The following STPG2 variants were observed in gnomAD, a reference collection of about 807,000 sequenced individuals.
The protein encoded by STPG2 is sperm-tail PG-rich repeat-containing protein 2.
Under a neutral mutation model 54.2 loss-of-function variants are expected in STPG2, and 56 were observed. The ratio of observed to expected loss-of-function variants is 1.03; its 90% CI spans 0.83 to 1.29. STPG2 has a LOEUF of 1.29. Among genes scored for constraint, STPG2 ranks in the 50% most tolerant of loss-of-function variants. STPG2 has a pLI of 0.00. For synonymous variants in STPG2, 200 were observed against 181.8 expected, an observed-to-expected ratio of 1.10 and a Z score of -0.81; for missense variants, 596 against 544.9, an observed-to-expected ratio of 1.09 and a Z score of -0.93.
chr4:97,969,494 A>AC (rs1271698958), intron 7 of STPG2, among the ~76,000 whole-genome samples: 2 of 151,630 alleles, frequency 1.3e-5, no homozygotes, highest in Non-Finnish European at 2.9e-5. Context: ...AAAGGCAGTG[A>AC]CCCCCCTGGA....
chr4:98,085,192 A>C (rs1056144133), intron 5 of STPG2, among the ~76,000 whole-genome samples: 2 of 152,032 alleles, frequency 1.3e-5, no homozygotes, highest in African/African-American at 4.8e-5. Flanking sequence ...ATTTGTGCAA[A>C]GACTTTCCAT....
intron 5 of STPG2, among the ~76,000 whole-genome samples, chr4:98,013,186 T>A (rs756090218): frequency 4.6e-5 from 7 of 152,230 alleles, no homozygotes; most frequent in Non-Finnish European, 7.3e-5. Context: ...ATTGAATGTC[T>A]TTTCTGCATC....
intron 10 of STPG2, among the ~76,000 whole-genome samples, chr4:97,563,858 A>C (rs528316905): frequency 6.6e-6 from 1 of 152,118 alleles, no homozygotes; most frequent in Non-Finnish European, 1.5e-5. Flanking sequence ...TTTACTTCTA[A>C]TGATGTGGTC....
chr4:98,018,516 C>T (rs1425191904), intron 5 of STPG2, among the ~76,000 whole-genome samples: 1 of 152,158 alleles, frequency 6.6e-6, no homozygotes, highest in Non-Finnish European at 1.5e-5. Context: ...GATTTATAAT[C>T]CTTTGGGTAC....
rs560158592 is a variant in STPG2, at chr4:98,090,351, T to A, written c.612+15602A>T. Among the ~76,000 whole-genome samples the A allele has an allele frequency of 1.6e-4, 24 of 152,122 alleles. No homozygotes were observed. The South Asian group carries it at 4.8e-3, about 30-fold the overall frequency. On this transcript the variant is annotated intron_variant, in intron 5 of 10. Transcript: ENST00000295268. ...TTTTGTATGCTTTGTCAAAGATTAG[T>A]TAGTTGGCTGTAAGTATGTGGCTTT...
chr4:97,861,483 C>A (rs1251362556), intron 8 of STPG2, among the ~76,000 whole-genome samples: 1 of 152,072 alleles, frequency 6.6e-6, no homozygotes, highest in Non-Finnish European at 1.5e-5. Flanking sequence ...TCCAGCAATC[C>A]CACTGCTAGG....
intron 10 of STPG2, among the ~76,000 whole-genome samples, chr4:97,631,533 AATC>A: frequency 6.6e-6 from 1 of 152,240 alleles, no homozygotes; most frequent in East Asian, 1.9e-4. Flanking sequence ...AGTTTTAGAT[AATC>A]ATCAGGTTAG....
intron 1 of STPG2, among the ~76,000 whole-genome samples, chr4:98,136,270 C>T (rs1740132638): frequency 1.3e-5 from 2 of 151,396 alleles, no homozygotes; most frequent in Admixed American, 6.6e-5. Context: ...AAATAAGGTG[C>T]TCCTTGACCT....
chr4:97,747,922 G>C (rs919039938), intron 9 of STPG2, among the ~76,000 whole-genome samples: 5 of 151,364 alleles, frequency 3.3e-5, no homozygotes, highest in Non-Finnish European at 7.4e-5. Flanking sequence ...AGATCACTTA[G>C]ATATAGTCAT....
chr4:97,978,281 A>G (rs1470359080), intron 6 of STPG2, among the ~76,000 whole-genome samples: 1 of 152,320 alleles, frequency 6.6e-6, no homozygotes, highest in East Asian at 1.9e-4. Context: ...ATGCCTATCA[A>G]TGGTAGACTG....
chr4:97,478,969 C>G lies in STPG2; in HGVS notation c.462+233730G>C, dbSNP rs114879708. Among the ~76,000 whole-genome samples the G allele has an allele frequency of 3.5e-3, 530 of 149,628 alleles. 1 individual carries two copies. The highest frequency in any genetic ancestry group is 0.012 in the African/African-American group (500 of 40,760). On this transcript the variant is annotated intron_variant, in intron 4 of 4. Transcript: ENST00000522676. Reference sequence around the variant, plus strand: ...AATATAAGTAATTGGATGATGGATGCAAAGACAATTGTTCATCCTCATTAA... The same window carrying G: ...AATATAAGTAATTGGATGATGGATGGAAAGACAATTGTTCATCCTCATTAA...
chr4:97,486,511 A>T lies in STPG2; in HGVS notation c.462+226188T>A, dbSNP rs916281078. 2.6e-5 allele frequency among the ~76,000 whole-genome samples: 4 copies of T among 151,774 alleles called. No individual in the cohort carries two copies. The South Asian group carries it at 8.3e-4, about 31-fold the overall frequency. On this transcript the variant is annotated intron_variant, in intron 4 of 4. Transcript: ENST00000522676. ...GAATGACCATAATCAAAAAATCAAA[A>T]AACAGTAGATGTTGGCGTGGATGCA...
At chr4:98,142,926 TTA>T in intron 1 of STPG2, 114 bp downstream of exon 1, 1 of 851,860 alleles carries the variant, frequency 1.2e-6, no homozygotes, top group Non-Finnish European at 2.0e-6. Context: ...TCATGTTTTG[TTA>T]TGTTTACAAA....
intron 9 of STPG2, among the ~76,000 whole-genome samples, chr4:97,783,911 C>T (rs532144922): frequency 1.3e-5 from 2 of 151,772 alleles, no homozygotes; most frequent in African/African-American, 4.8e-5. Context: ...CACACTGCGG[C>T]CAGTCATGGG....
intron 10 of STPG2, among the ~76,000 whole-genome samples, chr4:97,585,118 A>AC (rs1318596255): frequency 1.4e-5 from 2 of 139,692 alleles, no homozygotes; most frequent in East Asian, 2.0e-4. Flanking sequence ...AAAAAAAAAA[A>AC]AAAAAACAAA....
At chr4:97,593,529 T>C (rs142037655) in intron 10 of STPG2, among the ~76,000 whole-genome samples, 19 of 152,162 alleles carry the variant, frequency 1.2e-4, no homozygotes, top group Non-Finnish European at 2.6e-4. Context: ...AACACCACCA[T>C]CACTGCATGG....
At chr4:97,500,060 CA>C (rs1163863968) in intron 4 of STPG2, among the ~76,000 whole-genome samples, 1 of 151,160 alleles carries the variant, frequency 6.6e-6, no homozygotes, top group Non-Finnish European at 1.5e-5. Context: ...ACTATGGTCT[CA>C]AAAAAAGGCA....
At chr4:98,068,442 AT>A (rs751510859) in intron 5 of STPG2, among the ~76,000 whole-genome samples, 2 of 152,130 alleles carry the variant, frequency 1.3e-5, no homozygotes, top group Non-Finnish European at 2.9e-5. Flanking sequence ...AGTACCTAGG[AT>A]TTGTTAGAAG....
intron 10 of STPG2, among the ~76,000 whole-genome samples, chr4:97,655,188 A>T (rs1373287127): frequency 2.6e-5 from 4 of 152,098 alleles, no homozygotes; most frequent in Admixed American, 1.3e-4. Context: ...ATTGTGGTTA[A>T]AGGGCTGAAT....
Sources: gnomAD v4.1 joint callset for allele counts (sites outside exome capture counted in the v4.1 genomes callset) on GRCh38, gnomAD v4.1.1 for gene constraint, MANE v1.5 for transcripts, NCBI Gene and HGNC (gene_info 2026-07-23, HGNC 2026-07-21) for gene names.